GPR55: variants seen among roughly 807,000 people sequenced by gnomAD.
GPR55 encodes the protein G-protein coupled receptor 55.
GPR55 carries 6 observed loss-of-function variants against 7.9 expected under a neutral mutation model. That is an observed-to-expected ratio of 0.76 (90% CI 0.41 to 1.49). The LOEUF is 1.49. GPR55 is among the 40% of genes most tolerant of loss of function. The pLI is 0.01. For missense variants in GPR55, 376 were observed against 406.0 expected, an observed-to-expected ratio of 0.93 and a Z score of 0.63; for synonymous variants, 183 against 166.8, an observed-to-expected ratio of 1.10 and a Z score of -0.75.
chr2:230,918,669 C>T (rs1175010009), intron 1 of GPR55, among the ~76,000 whole-genome samples: 1 of 152,012 alleles, frequency 6.6e-6, no homozygotes, highest in Non-Finnish European at 1.5e-5. Flanking sequence ...TAAAATATTA[C>T]CAGGTGGAAT....
intron 1 of GPR55, among the ~76,000 whole-genome samples, chr2:230,937,193 G>A (rs770597200): frequency 5.3e-5 from 8 of 152,058 alleles, no homozygotes; most frequent in Non-Finnish European, 7.4e-5. Flanking sequence ...CTTGAGGCCA[G>A]GAGTTTGAGA....
At chr2:230,931,401 C>T (rs2125061680) in intron 1 of GPR55, among the ~76,000 whole-genome samples, 1 of 152,302 alleles carries the variant, frequency 6.6e-6, no homozygotes, top group South Asian at 2.1e-4. Flanking sequence ...AGGGCTGGAG[C>T]CCTGTGCCCA....
At chr2:230,911,334 G>A (rs1690587496) in intron 1 of GPR55, among the ~76,000 whole-genome samples, 1 of 152,234 alleles carries the variant, frequency 6.6e-6, no homozygotes, top group Non-Finnish European at 1.5e-5. Flanking sequence ...CAAAGAGACA[G>A]TTTCACATAA....
In GPR55 at chr2:230,950,715, G is replaced by T. The variant is rs61480167; in HGVS notation, c.-135+10060C>A. Among the ~76,000 whole-genome samples the T allele has an allele frequency of 1.4e-4, 22 of 152,190 alleles. No individual in the cohort carries two copies. The East Asian group carries it at 4.1e-3, about 28-fold the overall frequency. ...CCCCCATAGTCCCTGTTACAGTCTCGTGTTATGACAGTGGCTGTGTTAGGC... is the reference window on the plus strand; with the variant it reads ...CCCCCATAGTCCCTGTTACAGTCTCTTGTTATGACAGTGGCTGTGTTAGGC... On this transcript the variant is annotated intron_variant, in intron 1 of 1. Transcript: ENST00000392039.
chr2:230,943,008 A>AAGAGAAGAGAAGAGAAGAGG (rs1324065569), intron 1 of GPR55, among the ~76,000 whole-genome samples: 4 of 151,382 alleles, frequency 2.6e-5, no homozygotes, highest in Non-Finnish European at 5.9e-5. Context: ...ACCTGAAGAG[A>AAGAGAAGAGAAGAGAAGAGG]AGAGAAGAGA....
chr2:230,909,027 T>G lies in GPR55; in HGVS notation c.*976A>C, dbSNP rs2125043836. ...GAGTAAGACAGCACCTCCTCCACCC[T>G]CCTATGGTGGAACCAAGGCAGGCCT... On this transcript the variant is annotated 3_prime_UTR_variant, in exon 2 of 2. Coordinates refer to ENST00000650999, the MANE Select transcript of GPR55 (RefSeq NM_005683.4). 1 of 152,340 alleles carries G rather than the reference T, an allele frequency of 6.6e-6. No individual in the cohort carries two copies. The highest frequency in any genetic ancestry group is 1.9e-4 in the East Asian group (1 of 5,182). The allele number at this position is 152,340 out of a possible 1,614,324, so 9.4% of individuals were successfully genotyped here.
intron 1 of GPR55, among the ~76,000 whole-genome samples, chr2:230,912,109 G>C (rs553493802): frequency 6.6e-6 from 1 of 152,264 alleles, no homozygotes; most frequent in South Asian, 2.1e-4. Context: ...CCACATGTGA[G>C]GCCATGCTGC....
upstream of GPR55, chr2:230,925,350 G>C (rs998205330): frequency 6.6e-6 from 1 of 152,668 alleles, no homozygotes; most frequent in African/African-American, 2.4e-5. Context: ...TCTGGCTTAG[G>C]GGCTCTTGCT....
chr2:230,958,079 T>G (rs903604176), intron 1 of GPR55: 12 of 261,852 alleles, frequency 4.6e-5, no homozygotes, highest in South Asian at 2.9e-4. Flanking sequence ...TTGTAATAAA[T>G]AAAGAAAGAA....
At chr2:230,947,921 G>C (rs75322664) in intron 1 of GPR55, among the ~76,000 whole-genome samples, 1,611 of 152,168 alleles carry the variant, frequency 0.011, 7 homozygotes, top group Non-Finnish European at 0.018. Context: ...ATCTGGCCCT[G>C]TCCTACCTAA....
chr2:230,953,213 C>T (rs1421343519), intron 1 of GPR55, among the ~76,000 whole-genome samples: 1 of 152,148 alleles, frequency 6.6e-6, no homozygotes, highest in African/African-American at 2.4e-5. Flanking sequence ...GAATAATCTC[C>T]CCTGTCCCAG....
At chr2:230,950,937 G>T (rs959196197) in intron 1 of GPR55, among the ~76,000 whole-genome samples, 6 of 152,162 alleles carry the variant, frequency 3.9e-5, no homozygotes, top group Non-Finnish European at 8.8e-5. Context: ...GGTTCAGAGA[G>T]CTTCCGGAGA....
intron 1 of GPR55, among the ~76,000 whole-genome samples, chr2:230,960,585 A>C (rs1165661852): frequency 2.6e-5 from 4 of 152,214 alleles, no homozygotes; most frequent in African/African-American, 4.8e-5. Context: ...ATGACAACAA[A>C]AAAAAATCAC....
chr2:230,910,362 A>G lies in GPR55; in HGVS notation c.601T>C (p.Cys201Arg). 1 of 1,614,134 alleles carries G rather than the reference A, an allele frequency of 6.2e-7. No individual in the cohort carries two copies. The highest frequency in any genetic ancestry group is 1.1e-5 in the South Asian group (1 of 91,056). ...AGCAGGATGTGGATGCTCCTGGAGC[A>G]GCAGAAGCCCATGATGCCCATGGGA... ...LLPMGIMGFC[C>R]SRSIHILLGR... Residue 201 changes from cysteine to arginine, a missense_variant, in exon 2 of 2, where the codon TGC becomes CGC. Transcript: ENST00000650999. This position sits in a 1 kb window ranked among gnomAD's most constrained non-coding sequence, Gnocchi z 5.4.
At chr2:230,936,636 G>C (rs1472700809) in intron 1 of GPR55, among the ~76,000 whole-genome samples, 2 of 152,212 alleles carry the variant, frequency 1.3e-5, no homozygotes, top group Non-Finnish European at 2.9e-5. Flanking sequence ...TTGGACAGCA[G>C]CAATGTCCAT....
At position 230,924,143 on chromosome 2, in the gene GPR55, C is replaced by T. The variant is rs2125057460; in HGVS notation, c.-135+1025G>A. Among the ~76,000 whole-genome samples, 1 of 152,278 alleles carries T rather than the reference C, an allele frequency of 6.6e-6. No individual in the cohort carries two copies. The highest frequency in any genetic ancestry group is 2.4e-5 in the African/African-American group (1 of 41,560). Reference sequence around the variant, plus strand: ...GACCATGTCCCTTTCACCTTTATCACCGAGCCTCACATACAGTTTGTCGTT... The same window carrying T: ...GACCATGTCCCTTTCACCTTTATCATCGAGCCTCACATACAGTTTGTCGTT... On this transcript the variant is annotated intron_variant, in intron 1 of 1. Transcript: ENST00000650999. The surrounding 1 kb of genome is among the most constrained non-coding windows in gnomAD (Gnocchi z 4.5).
exon 1 of GPR55, chr2:230,960,942 T>C (rs1691557352): frequency 1.3e-5 from 2 of 152,092 alleles, no homozygotes; most frequent in African/African-American, 4.8e-5. Context: ...TCCAGGAAGG[T>C]CACCAGTTTC....
chr2:230,911,097 C>G lies in GPR55; in HGVS notation c.-134-1G>C. 1 of 898,154 alleles carries G rather than the reference C, an allele frequency of 1.1e-6. No homozygotes were observed. The highest frequency in any genetic ancestry group is 1.7e-6 in the Non-Finnish European group (1 of 579,646). 55.6% of individuals were successfully genotyped at this position (898,154 alleles called of 1,614,324 possible). A position where few individuals can be genotyped will look rare whatever the true frequency, so the allele number is the denominator to read the frequency against. On this transcript the variant is annotated splice_acceptor_variant, in intron 1 of 1. Coordinates refer to ENST00000650999, the MANE Select transcript of GPR55 (RefSeq NM_005683.4). LOFTEE classifies it low-confidence loss of function (5UTR_SPLICE). Reference sequence around the variant, plus strand: ...GCAATTCATGCCCATTGAATCACAACTAGAACACAGAAAAGAAAAATTACC... The same window carrying G: ...GCAATTCATGCCCATTGAATCACAAGTAGAACACAGAAAAGAAAAATTACC...
chr2:230,955,577 C>T (rs1691468593), intron 1 of GPR55, among the ~76,000 whole-genome samples: 1 of 152,214 alleles, frequency 6.6e-6, no homozygotes, highest in African/African-American at 2.4e-5. Context: ...TAAACATCAG[C>T]TCAATGGAAA....
Sources: gnomAD v4.1 joint callset for allele counts (sites outside exome capture counted in the v4.1 genomes callset) on GRCh38, gnomAD v4.1.1 for gene constraint, Gnocchi (gnomAD v3.1) non-coding constraint, MANE v1.5 for transcripts, NCBI Gene and HGNC (gene_info 2026-07-23, HGNC 2026-07-21) for gene names.